Variants in AHCY observed in about 807,000 individuals in gnomAD.
AHCY encodes the protein adenosylhomocysteinase, also known as S-adenosyl-L-homocysteine hydrolase.
A neutral mutation model predicts 45.4 loss-of-function variants in AHCY; 24 were observed. The observed-to-expected ratio is 0.53, with a 90% CI of 0.38 to 0.74. The LOEUF (loss-of-function observed/expected upper bound fraction) is 0.74, where lower values mean the gene tolerates loss of function less well. Ranked by LOEUF, AHCY falls within the 30% of genes least tolerant of loss-of-function variation. The probability of loss-of-function intolerance (pLI) is 0.00; values close to 1 mark genes in which losing one functional copy is unlikely to be tolerated. For missense variants in AHCY, 449 were observed against 594.1 expected (o/e 0.76, Z 2.54); for synonymous variants, 245 against 235.1 (o/e 1.04, Z -0.39).
intron 9 of AHCY, among the ~76,000 whole-genome samples, chr20:34,284,949 CTA>C (rs1601641699): frequency 6.6e-6 from 1 of 152,190 alleles, no homozygotes; most frequent in Non-Finnish European, 1.5e-5. Flanking sequence ...ACCTGGGTTC[CTA>C]GGTGGCAACC....
chr20:34,242,210 TTATTA>T, the AHCY span, among the ~76,000 whole-genome samples: 3 of 151,444 alleles, frequency 2.0e-5, no homozygotes, highest in Non-Finnish European at 4.4e-5. Context: ...TTATTTTATT[TTATTA>T]TTTTTATTTT....
the AHCY span, among the ~76,000 whole-genome samples, chr20:34,269,946 T>TAAAAAAAAAAAAAAAAAAAAAA: frequency 5.7e-4 from 34 of 59,232 alleles, 3 homozygotes; most frequent in African/African-American, 7.2e-4. Flanking sequence ...AACTCTGTCT[T>TAAAAAAAAAAAAAAAAAAAAAA]AAAAAAAAAA....
At chr20:34,272,830 T>C in the AHCY span, among the ~76,000 whole-genome samples, 1 of 152,084 alleles carries the variant, frequency 6.6e-6, no homozygotes, top group Non-Finnish European at 1.5e-5. Context: ...GCTGCAGTGA[T>C]TCATGATCAC....
chr20:34,272,625 A>C, the AHCY span, among the ~76,000 whole-genome samples: 1 of 152,108 alleles, frequency 6.6e-6, no homozygotes, highest in Non-Finnish European at 1.5e-5. Context: ...AGTAGCTCAC[A>C]CCTGTAATCC....
chr20:34,277,846 A>G (rs1341944877), downstream of AHCY, among the ~76,000 whole-genome samples: 1 of 151,736 alleles, frequency 6.6e-6, no homozygotes, highest in African/African-American at 2.4e-5. Flanking sequence ...TGAAGTAGGT[A>G]TTTCTGTCCC....
chr20:34,290,221 C>T lies in AHCY; in HGVS notation c.972+111G>A. ...TGGCTCTGATGCTAGGCCCTCTTCT[C>T]CCCATCCCCCTGCACAGGTTGCCAC... On this transcript the variant is annotated intron_variant, in intron 8 of 9. Coordinates refer to ENST00000217426, the MANE Select transcript of AHCY (RefSeq NM_000687.4). The surrounding 1 kb of genome is among the most constrained non-coding windows in gnomAD (Gnocchi z 4.5). The T allele has an allele frequency of 1.9e-6, 2 of 1,063,844 alleles. No homozygotes were observed. The highest frequency in any genetic ancestry group is 3.1e-5 in the African/African-American group (2 of 64,584). 65.9% of individuals were successfully genotyped at this position (1,063,844 alleles called of 1,614,324 possible).
the AHCY span, among the ~76,000 whole-genome samples, chr20:34,253,415 T>C: frequency 6.7e-6 from 1 of 149,830 alleles, no homozygotes; most frequent in African/African-American, 2.5e-5. Flanking sequence ...CTGATCTCTC[T>C]TTCTTTTCCC....
the AHCY span, among the ~76,000 whole-genome samples, chr20:34,274,098 C>T: frequency 5.3e-5 from 8 of 152,242 alleles, no homozygotes; most frequent in South Asian, 2.1e-4. Flanking sequence ...CTTTAGAATT[C>T]GTGGACTCTA....
the AHCY span, among the ~76,000 whole-genome samples, chr20:34,270,865 T>C: frequency 6.6e-6 from 1 of 152,326 alleles, no homozygotes; most frequent in East Asian, 1.9e-4. Flanking sequence ...GCTATGTTGC[T>C]CAAGCTGGTC....
At chr20:34,265,929 G>A in the AHCY span, among the ~76,000 whole-genome samples, 3 of 150,334 alleles carry the variant, frequency 2.0e-5, no homozygotes, top group East Asian at 2.0e-4. Flanking sequence ...TAGCCTGGGC[G>A]ACAGAGCAAG....
At chr20:34,307,310 G>A (rs1008437773), upstream of AHCY, among the ~76,000 whole-genome samples, 1 of 152,010 alleles carries the variant, frequency 6.6e-6, no homozygotes, top group African/African-American at 2.4e-5. Flanking sequence ...GGCTGGTCTT[G>A]AACCTCTGAC....
At chr20:34,297,050 C>T (rs1333684188) in intron 1 of AHCY, among the ~76,000 whole-genome samples, 1 of 151,954 alleles carries the variant, frequency 6.6e-6, no homozygotes, top group Non-Finnish European at 1.5e-5. Flanking sequence ...TCTAGCCACG[C>T]CTCATCTTTC....
At chr20:34,297,324 C>T (rs192327646) in intron 1 of AHCY, among the ~76,000 whole-genome samples, 3 of 152,096 alleles carry the variant, frequency 2.0e-5, no homozygotes, top group East Asian at 3.9e-4. Flanking sequence ...CATAGTCTGG[C>T]TCTGTAGACC....
At chr20:34,266,675 A>C in the AHCY span, among the ~76,000 whole-genome samples, 33 of 152,086 alleles carry the variant, frequency 2.2e-4, no homozygotes, top group Admixed American at 1.3e-4. Context: ...TCCATCTCAA[A>C]AACAAACAAA....
chr20:34,265,011 G>A, the AHCY span, among the ~76,000 whole-genome samples: 2 of 151,880 alleles, frequency 1.3e-5, no homozygotes, highest in Non-Finnish European at 2.9e-5. Context: ...GCCCGGGCTG[G>A]TCTCAAACTC....
chr20:34,288,866 TA>T (rs2036274365), intron 8 of AHCY, among the ~76,000 whole-genome samples: 1 of 152,182 alleles, frequency 6.6e-6, no homozygotes, highest in East Asian at 1.9e-4. Context: ...GCAACTCAAG[TA>T]AAACTTCACA....
the AHCY span, among the ~76,000 whole-genome samples, chr20:34,269,946 TAAAA>T: frequency 0.035 from 2,048 of 58,788 alleles, 10 homozygotes; most frequent in East Asian, 0.054. Flanking sequence ...AACTCTGTCT[TAAAA>T]AAAAAAAAAA....
chr20:34,252,706 G>A, the AHCY span, among the ~76,000 whole-genome samples: 1 of 152,136 alleles, frequency 6.6e-6, no homozygotes, highest in Non-Finnish European at 1.5e-5. Context: ...TGGGTGTCGG[G>A]TTGGGGGATG....
At chr20:34,266,531 G>A in the AHCY span, among the ~76,000 whole-genome samples, 2 of 151,798 alleles carry the variant, frequency 1.3e-5, no homozygotes, top group African/African-American at 4.8e-5. Context: ...AAATTAGCTG[G>A]GCGTGGTGGT....
Sources: allele counts gnomAD v4.1 joint callset (sites outside exome capture counted in the v4.1 genomes callset), GRCh38; gene constraint gnomAD v4.1.1; non-coding constraint Gnocchi (gnomAD v3.1); transcripts MANE v1.5; gene names NCBI Gene and HGNC (gene_info 2026-07-23, HGNC 2026-07-21).